Variants in SASS6 observed in about 807,000 individuals in gnomAD.
The protein encoded by SASS6 is spindle assembly abnormal protein 6 homolog.
In SASS6, 59 loss-of-function variants were observed where a neutral mutation model predicts 94.9. The ratio of observed to expected loss-of-function variants is 0.62; its 90% CI spans 0.50 to 0.77. The LOEUF (loss-of-function observed/expected upper bound fraction) is 0.77. Ranked by LOEUF, SASS6 falls within the 30% of genes least tolerant of loss-of-function variation. SASS6 has a pLI of 0.00. For missense variants in SASS6, 698 were observed against 734.1 expected (o/e 0.95, Z 0.57); for synonymous variants, 264 against 270.0 (o/e 0.98, Z 0.22).
intron 15 of SASS6, among the ~76,000 whole-genome samples, chr1:100,086,678 T>C (rs1651305180): frequency 6.6e-6 from 1 of 151,794 alleles, no homozygotes; most frequent in Non-Finnish European, 1.5e-5. Flanking sequence ...GTCTGGCTTT[T>C]TTTTTGGTTT....
At chr1:100,108,531 G>T (rs1653082162) in intron 8 of SASS6, among the ~76,000 whole-genome samples, 1 of 151,968 alleles carries the variant, frequency 6.6e-6, no homozygotes, top group Non-Finnish European at 1.5e-5. Flanking sequence ...ATTAAAAATA[G>T]ATTTTTAAAA....
intron 1 of SASS6, among the ~76,000 whole-genome samples, chr1:100,132,108 A>G (rs1054679397): frequency 6.6e-6 from 1 of 152,230 alleles, no homozygotes; most frequent in African/African-American, 2.4e-5. Flanking sequence ...TGTAAACTCC[A>G]TGAAGAAAAG....
At chr1:100,119,229 A>G in intron 6 of SASS6, 92 bp from the exon 7 acceptor site, 1 of 670,400 alleles carries the variant, frequency 1.5e-6, no homozygotes, top group South Asian at 4.6e-5. Flanking sequence ...AGGATATTAA[A>G]GAAAACAAAA....
chr1:100,120,864 A>G (rs1156643601), intron 5 of SASS6, among the ~76,000 whole-genome samples: 1 of 151,628 alleles, frequency 6.6e-6, no homozygotes, highest in South Asian at 2.1e-4. Context: ...TCCTGGCTAA[A>G]ACGGTGAAAC....
In SASS6 at chr1:100,085,244, T is replaced by C; in HGVS notation, c.*84A>G. 1.2e-6 allele frequency: 1 copy of C among 854,414 alleles called. No homozygotes were observed. Among genetic ancestry groups the C allele is most frequent in the South Asian group, 1.4e-5 (1 of 72,282 alleles). 52.9% of individuals were successfully genotyped at this position (854,414 alleles called of 1,614,324 possible). ...CTCAAGTAAAATTTGAAACTTGCTATTTGAGGATCTGGTTTGTGTTGACAT... is the reference window on the plus strand; with the variant it reads ...CTCAAGTAAAATTTGAAACTTGCTACTTGAGGATCTGGTTTGTGTTGACAT... On this transcript the variant is annotated 3_prime_UTR_variant, in exon 17 of 17. Transcript: ENST00000287482.
chr1:100,118,325 A>G (rs1429648715), intron 7 of SASS6, among the ~76,000 whole-genome samples: 5 of 152,178 alleles, frequency 3.3e-5, no homozygotes, highest in Non-Finnish European at 5.9e-5. Flanking sequence ...CAAAAAAAAA[A>G]AAGAAGAATT....
intron 2 of SASS6, among the ~76,000 whole-genome samples, chr1:100,125,470 A>C (rs1157893156): frequency 1.3e-5 from 2 of 151,428 alleles, no homozygotes; most frequent in African/African-American, 4.8e-5. Flanking sequence ...CACAAGGTCA[A>C]GAGATCGAGA....
At position 100,132,930 on chromosome 1, in the gene SASS6, G is replaced by A. The variant is rs1655205216; in HGVS notation, c.-116C>T. ...GAGTTTGGCGCTCGGCTTCTGCGGAGGAGGCGGGGAGGGAGAAACGAGGGG... is the reference window on the plus strand; with the variant it reads ...GAGTTTGGCGCTCGGCTTCTGCGGAAGAGGCGGGGAGGGAGAAACGAGGGG... On this transcript the variant is annotated 5_prime_UTR_variant, in exon 1 of 17. Coordinates refer to ENST00000287482, the MANE Select transcript of SASS6 (RefSeq NM_194292.3). The A allele has an allele frequency of 1.1e-5, 12 of 1,082,256 alleles. No homozygotes were observed. The highest frequency in any genetic ancestry group is 1.7e-5 in the Non-Finnish European group (12 of 725,936). 67.0% of individuals were successfully genotyped at this position (1,082,256 alleles called of 1,614,324 possible). A position where few individuals can be genotyped will look rare whatever the true frequency, so the allele number is the denominator to read the frequency against.
rs557054512 is a variant in SASS6, at chr1:100,118,535, C to T, written c.669+483G>A. Among the ~76,000 whole-genome samples, 5 of 152,094 alleles carry T rather than the reference C, an allele frequency of 3.3e-5. No homozygotes were observed. The East Asian group carries it at 7.7e-4, about 23-fold the overall frequency. On this transcript the variant is annotated intron_variant, in intron 7 of 16. Coordinates refer to ENST00000287482, the MANE Select transcript of SASS6 (RefSeq NM_194292.3). ...GTATTGCTTAAAATAACCAAAACTTCGAAGCATTTAAATGACCACCATTTA... is the reference window on the plus strand; with the variant it reads ...GTATTGCTTAAAATAACCAAAACTTTGAAGCATTTAAATGACCACCATTTA...
chr1:100,116,418 C>T (rs150737378), intron 7 of SASS6, among the ~76,000 whole-genome samples: 2 of 152,186 alleles, frequency 1.3e-5, no homozygotes, highest in South Asian at 2.1e-4. Context: ...GTATTACATA[C>T]CCATAGAATG....
Position 100,132,861 on chromosome 1 carries a change from G to A in SASS6, c.-47C>T, listed in dbSNP as rs1185533290. 5.8e-6 allele frequency: 9 copies of A among 1,560,372 alleles called. No individual in the cohort carries two copies. The highest frequency in any genetic ancestry group is 2.2e-5 in the East Asian group (1 of 44,614). ...GTGTGCAGAAAAGCCCAACAGGCCC[G>A]GCCCTCGGGATTAGCCTGAGAGGTC... On this transcript the variant is annotated 5_prime_UTR_variant, in exon 1 of 17. Coordinates refer to ENST00000287482, the MANE Select transcript of SASS6 (RefSeq NM_194292.3).
In SASS6 at chr1:100,085,421, A is replaced by C. The variant is rs1651170102; in HGVS notation, c.1881T>G (p.Asp627Glu). ...ATGTATGTAATGCTCCTAAAGTGCC[A>C]TCTCTCTGATGGTCTGCAAATGAGG... ...NLFSNSDHQRDGTLGALHTSS... is the reference protein window; with the variant it reads ...NLFSNSDHQREGTLGALHTSS... Residue 627 changes from aspartate (D) to glutamate (E), a missense_variant, in exon 17 of 17, where the codon GAT (aspartate) becomes GAG (glutamate). Transcript: ENST00000287482. The C allele has an allele frequency of 1.9e-6, 3 of 1,611,462 alleles. No individual in the cohort carries two copies. The highest frequency in any genetic ancestry group is 2.5e-6 in the Non-Finnish European group (3 of 1,177,614).
rs144832957 is a variant in SASS6 at position 100,119,087 on chromosome 1, C to T, written c.600G>A (p.Ala200=). ...TGTTTGTCAAGGCTGCTGTATGTGA[C>T]GCCCATTCATTCCGTAACTTATCTA... ...QELDKLRNEW[A]SHTAALTNKH... Residue 200 remains alanine, a synonymous_variant, in exon 7 of 17, where the codon GCG becomes GCA. Coordinates refer to ENST00000287482, the MANE Select transcript of SASS6 (RefSeq NM_194292.3). 395 of 1,582,866 alleles carry T rather than the reference C, an allele frequency of 2.5e-4. 1 individual carries two copies. The African/African-American group carries it at 3.9e-3, about 16-fold the overall frequency.
intron 15 of SASS6, 94 bp downstream of exon 15, chr1:100,088,045 C>T: frequency 3.3e-6 from 2 of 603,240 alleles, no homozygotes; most frequent in East Asian, 2.7e-5. Flanking sequence ...CTCAGGTAAA[C>T]AGGTGGGCAT....
chr1:100,121,764 A>G (rs1654218988), intron 4 of SASS6, among the ~76,000 whole-genome samples: 1 of 152,172 alleles, frequency 6.6e-6, no homozygotes, highest in African/African-American at 2.4e-5. Flanking sequence ...ATGAGAGAAA[A>G]AGCAAAAACT....
chr1:100,103,834 T>C (rs754323335), intron 13 of SASS6, among the ~76,000 whole-genome samples: 1 of 152,130 alleles, frequency 6.6e-6, no homozygotes, highest in Non-Finnish European at 1.5e-5. Flanking sequence ...AAAATTCAAT[T>C]AGGAATCTGA....
intron 14 of SASS6, among the ~76,000 whole-genome samples, chr1:100,096,070 C>A (rs565746449): frequency 2.2e-4 from 34 of 152,238 alleles, no homozygotes; most frequent in Admixed American, 1.1e-3. Context: ...TTTCATGAAA[C>A]TGTAAAAGAT....
Position 100,119,021 on chromosome 1 carries a change from C to T in SASS6, c.666G>A (p.Leu222=). 6.4e-7 allele frequency: 1 copy of T among 1,561,240 alleles called. No individual in the cohort carries two copies. Among genetic ancestry groups the T allele is most frequent in the Non-Finnish European group, 8.7e-7 (1 of 1,151,190 alleles). ...CAGTTTCCTTTAATGTTCTTACCTG[C>T]AAGGCTTTTTCCTTTTCATTTGTCA... ...QELTNEKEKA[L]QAQVQYQQQH... is the part of the protein sequence containing the mutation. The change falls in exon 7 of 17, where the codon TTG becomes TTA. Residue 222 remains leucine, a synonymous_variant. Coordinates refer to ENST00000287482, the MANE Select transcript of SASS6 (RefSeq NM_194292.3).
Position 100,085,099 on chromosome 1 carries a change from C to T in SASS6, c.*229G>A. Reference sequence around the variant, plus strand: ...AAATTCATATTATTCTATAAAACGCCATGTTCACAAACCAAAAAATGTCAT... The same window carrying T: ...AAATTCATATTATTCTATAAAACGCTATGTTCACAAACCAAAAAATGTCAT... On this transcript the variant is annotated 3_prime_UTR_variant, in exon 17 of 17. Coordinates refer to ENST00000287482, the MANE Select transcript of SASS6 (RefSeq NM_194292.3). The T allele has an allele frequency of 2.1e-6, 1 of 465,248 alleles. No individual in the cohort carries two copies. The highest frequency in any genetic ancestry group is 3.8e-6 in the Non-Finnish European group (1 of 260,292). 28.8% of individuals were successfully genotyped at this position (465,248 alleles called of 1,614,324 possible). A position where few individuals can be genotyped will look rare whatever the true frequency, so the allele number is the denominator to read the frequency against.
Sources: allele counts gnomAD v4.1 joint callset (sites outside exome capture counted in the v4.1 genomes callset), GRCh38; gene constraint gnomAD v4.1.1; transcripts MANE v1.5; gene names NCBI Gene and HGNC (gene_info 2026-07-23, HGNC 2026-07-21).